GPATCH1: variants seen among roughly 807,000 people sequenced by gnomAD.
GPATCH1 encodes the protein G-patch domain containing 1.
In GPATCH1, 73 loss-of-function variants were observed where a neutral mutation model predicts 114.9. The observed-to-expected ratio is 0.64, with a 90% CI of 0.53 to 0.77. The LOEUF (loss-of-function observed/expected upper bound fraction) is 0.77, where lower values mean the gene tolerates loss of function less well. GPATCH1 is among the 30% of genes least tolerant of loss of function. The probability of loss-of-function intolerance (pLI) is 0.00; values close to 1 mark genes in which losing one functional copy is unlikely to be tolerated. For synonymous variants in GPATCH1, 391 were observed against 428.4 expected (o/e 0.91, Z 1.08); for missense variants, 1,058 against 1,144.3 (o/e 0.92, Z 1.09).
chr19:33,122,616 C>T (rs920636799), intron 17 of GPATCH1, among the ~76,000 whole-genome samples: 3 of 152,170 alleles, frequency 2.0e-5, no homozygotes, highest in Admixed American at 1.3e-4. Flanking sequence ...AGCCACCACG[C>T]CCGGCCGGCT....
intron 15 of GPATCH1, among the ~76,000 whole-genome samples, chr19:33,117,293 G>T (rs966751229): frequency 6.6e-6 from 1 of 152,042 alleles, no homozygotes; most frequent in Non-Finnish European, 1.5e-5. Context: ...GGATTTTAGC[G>T]GTTTGATTAT....
intron 17 of GPATCH1, among the ~76,000 whole-genome samples, chr19:33,123,682 A>G (rs1973009723): frequency 1.3e-5 from 2 of 152,024 alleles, no homozygotes; most frequent in African/African-American, 2.4e-5. Flanking sequence ...ACCGAGGTCA[A>G]GGCTGTAATG....
At position 33,093,467 on chromosome 19, in the gene GPATCH1, A is replaced by G; in HGVS notation, c.403A>G (p.Thr135Ala). The change falls in exon 4 of 20, where the codon ACT becomes GCT. Residue 135 changes from threonine to alanine, a missense_variant. Thr to Ala is a moderately conservative substitution (Grantham distance 58). Transcript: ENST00000170564. ...AAAGGCTAGGCAGTTGGCCGCTGCT[A>G]CTGCCCCTATTCCTGGAGCCACCCT... is the stretch of plus-strand genomic sequence containing the variant. ...REKARQLAAATAPIPGATLLD... is the reference protein window; with the variant it reads ...REKARQLAAAAAPIPGATLLD... 6.2e-7 allele frequency: 1 copy of G among 1,614,028 alleles called. No individual in the cohort carries two copies. Among genetic ancestry groups the G allele is most frequent in the South Asian group, 1.1e-5 (1 of 91,080 alleles).
At chr19:33,120,845 C>T (rs890938176) in intron 17 of GPATCH1, among the ~76,000 whole-genome samples, 1 of 151,812 alleles carries the variant, frequency 6.6e-6, no homozygotes, top group Non-Finnish European at 1.5e-5. Flanking sequence ...AAAAAATTAG[C>T]CGGACGTGGT....
chr19:33,119,566 C>T (rs1035241699), intron 17 of GPATCH1, among the ~76,000 whole-genome samples: 8 of 152,016 alleles, frequency 5.3e-5, no homozygotes, highest in Non-Finnish European at 8.8e-5. Context: ...GGCGTAGTGA[C>T]GCACGCCTGT....
At chr19:33,094,085 A>C (rs1972627505) in intron 4 of GPATCH1, 87 bp from the exon 5 acceptor site, 1 of 766,398 alleles carries the variant, frequency 1.3e-6, no homozygotes, top group Non-Finnish European at 2.3e-6. Flanking sequence ...AGGCCTAGGA[A>C]CTGAGCAGGA....
chr19:33,106,008 C>T (rs1471516115), intron 9 of GPATCH1, among the ~76,000 whole-genome samples: 1 of 151,796 alleles, frequency 6.6e-6, no homozygotes, highest in Non-Finnish European at 1.5e-5. Flanking sequence ...GCTACCACGC[C>T]TGGCTAATTT....
At chr19:33,096,599 T>A (rs926735253) in intron 7 of GPATCH1, among the ~76,000 whole-genome samples, 153 bp downstream of exon 7, 3 of 152,160 alleles carry the variant, frequency 2.0e-5, no homozygotes, top group Non-Finnish European at 4.4e-5. Context: ...AATGCATTTT[T>A]AAAATGGTGA....
intron 2 of GPATCH1, among the ~76,000 whole-genome samples, chr19:33,089,451 T>C (rs780408508): frequency 5.3e-5 from 8 of 152,200 alleles, no homozygotes; most frequent in Non-Finnish European, 1.0e-4. Context: ...TTTTAAGATA[T>C]ATTAATCTAG....
chr19:33,106,820 G>T lies in GPATCH1; in HGVS notation c.1206G>T (p.Thr402=). ...TATCAGAGTCAGCTGGAAAGGCAACGCCTGACCCAGGGACACACAGTAAGC... is the reference window on the plus strand; with the variant it reads ...TATCAGAGTCAGCTGGAAAGGCAACTCCTGACCCAGGGACACACAGTAAGC... ...QVLSESAGKA[T]PDPGTHSKHQ... The change falls in exon 10 of 20, where the codon ACG becomes ACT. Residue 402 remains threonine, a synonymous_variant. Coordinates refer to ENST00000170564, the MANE Select transcript of GPATCH1 (RefSeq NM_018025.3). 6.2e-7 allele frequency: 1 copy of T among 1,613,908 alleles called. No homozygotes were observed. The highest frequency in any genetic ancestry group is 8.5e-7 in the Non-Finnish European group (1 of 1,179,970).
intron 1 of GPATCH1, among the ~76,000 whole-genome samples, chr19:33,084,256 A>G (rs1972511369): frequency 6.6e-6 from 1 of 152,184 alleles, no homozygotes; most frequent in Non-Finnish European, 1.5e-5. Flanking sequence ...CATTTTAATT[A>G]AAGTTGCTGG....
At chr19:33,127,914 C>T (rs569531628) in intron 19 of GPATCH1, among the ~76,000 whole-genome samples, 12 of 151,956 alleles carry the variant, frequency 7.9e-5, no homozygotes, top group African/African-American at 2.2e-4. Context: ...GACAGTGTTT[C>T]GTCATGTTGG....
At position 33,094,256 on chromosome 19, in the gene GPATCH1, CCG is replaced by C. The variant is rs1216330986; in HGVS notation, c.541_542del (p.Arg181ThrfsTer4). On this transcript the variant is annotated frameshift_variant, in exon 5 of 20. Transcript: ENST00000170564. LOFTEE classifies it high-confidence loss of function. ...VGPRVKRRPR[R>X]QKPDPGVKIY... ...GTCCTCGAGTAAAGAGACGGCCACG[CCG>C]ACAGAAACCTGGTGTGTATGTTAAT... 1 of 1,568,792 alleles carries C rather than the reference CCG, an allele frequency of 6.4e-7. No individual in the cohort carries two copies. Among genetic ancestry groups the C allele is most frequent in the African/African-American group, 1.4e-5 (1 of 73,950 alleles).
chr19:33,120,656 G>A (rs2145337409), intron 17 of GPATCH1, among the ~76,000 whole-genome samples: 1 of 151,570 alleles, frequency 6.6e-6, no homozygotes, highest in South Asian at 2.1e-4. Context: ...AGTAGTCCGA[G>A]ACAAGCCCAG....
chr19:33,122,768 TA>T (rs113260211), intron 17 of GPATCH1, among the ~76,000 whole-genome samples: 156 of 152,088 alleles, frequency 1.0e-3, no homozygotes, highest in African/African-American at 3.6e-3. Context: ...AAACTAGTGT[TA>T]AAAAAAAGTT....
At chr19:33,095,121 C>T (rs1972640784) in intron 5 of GPATCH1, among the ~76,000 whole-genome samples, 1 of 152,112 alleles carries the variant, frequency 6.6e-6, no homozygotes, top group Admixed American at 6.6e-5. Context: ...GAGCTATGAT[C>T]ATGCCACTGT....
At chr19:33,124,340 T>C (rs1325382326) in intron 17 of GPATCH1, among the ~76,000 whole-genome samples, 1 of 152,126 alleles carries the variant, frequency 6.6e-6, no homozygotes, top group Non-Finnish European at 1.5e-5. Context: ...TACATTATTA[T>C]TATTTTTTAA....
chr19:33,114,561 C>G (rs1972896040), intron 15 of GPATCH1, 142 bp downstream of exon 15: 3 of 661,564 alleles, frequency 4.5e-6, no homozygotes, highest in African/African-American at 3.7e-5. Context: ...TGGCTTGTTT[C>G]TAACTTTTGG....
intron 10 of GPATCH1, among the ~76,000 whole-genome samples, chr19:33,107,700 T>C (rs1972801119): frequency 6.6e-6 from 1 of 152,140 alleles, no homozygotes; most frequent in Non-Finnish European, 1.5e-5. Flanking sequence ...TCTCGTATAA[T>C]TGGCAAACAG....
Sources: gnomAD v4.1 joint callset for allele counts (sites outside exome capture counted in the v4.1 genomes callset) on GRCh38, gnomAD v4.1.1 for gene constraint, MANE v1.5 for transcripts, NCBI Gene and HGNC (gene_info 2026-07-23, HGNC 2026-07-21) for gene names.